ADGRV1: variants seen among roughly 807,000 people sequenced by gnomAD.
ADGRV1 encodes the protein G-protein coupled receptor 98.
A neutral mutation model predicts 596.2 loss-of-function variants in ADGRV1; 359 were observed. The observed-to-expected ratio is 0.60, with a 90% CI of 0.55 to 0.66. The LOEUF (loss-of-function observed/expected upper bound fraction) is 0.66, where lower values mean the gene tolerates loss of function less well. ADGRV1 is among the 30% of genes least tolerant of loss of function. ADGRV1 has a pLI of 0.00. For synonymous variants in ADGRV1, 2,681 were observed against 2,679.2 expected, an observed-to-expected ratio of 1.00 and a Z score of -0.02; for missense variants, 7,274 against 7,575.6, an observed-to-expected ratio of 0.96 and a Z score of 1.48.
chr5:90,561,169 C>G lies in ADGRV1; in HGVS notation c.22+2252C>G, dbSNP rs543803535. 2.0e-5 allele frequency among the ~76,000 whole-genome samples: 3 copies of G among 152,230 alleles called. No homozygotes were observed. The East Asian group carries it at 5.8e-4, about 29-fold the overall frequency. On this transcript the variant is annotated intron_variant, in intron 1 of 89. Coordinates refer to ENST00000405460, the MANE Select transcript of ADGRV1 (RefSeq NM_032119.4). ...AATGAAGAAACCGAGGCAGAGAGAT[C>G]TATGCCCTGGGAGGACCCACAAAAA...
chr5:90,897,592 T>TC (rs2150617530), intron 83 of ADGRV1, among the ~76,000 whole-genome samples: 1 of 152,332 alleles, frequency 6.6e-6, no homozygotes, highest in Non-Finnish European at 1.5e-5. Flanking sequence ...CCCAAGGTAC[T>TC]CTTTGGACAA....
intron 1 of ADGRV1, among the ~76,000 whole-genome samples, chr5:90,574,460 T>C (rs1426009484): frequency 6.6e-6 from 1 of 152,166 alleles, no homozygotes; most frequent in Non-Finnish European, 1.5e-5. Context: ...GCCTGAACTT[T>C]GTGTATAGAA....
At chr5:90,631,228 T>C (rs1580520062) in intron 9 of ADGRV1, among the ~76,000 whole-genome samples, 2 of 152,208 alleles carry the variant, frequency 1.3e-5, no homozygotes, top group African/African-American at 4.8e-5. Context: ...ACTCGATCTT[T>C]GTCTCTGAAA....
intron 85 of ADGRV1, among the ~76,000 whole-genome samples, chr5:91,012,426 T>A (rs1782797362): frequency 6.6e-6 from 1 of 151,996 alleles, no homozygotes; most frequent in Non-Finnish European, 1.5e-5. Context: ...ACCTTTAAAT[T>A]ATTTAGGGTT....
At position 90,558,936 on chromosome 5, in the gene ADGRV1, G is replaced by C. The variant is rs1476959586; in HGVS notation, c.22+19G>C. On this transcript the variant is annotated intron_variant, in intron 1 of 89. Transcript: ENST00000405460. ...GGGCCAGGTAGGCTATGGCTGAGGGGTGGTGCTGCGAGCATCGCTGAGCCC... is the reference window on the plus strand; with the variant it reads ...GGGCCAGGTAGGCTATGGCTGAGGGCTGGTGCTGCGAGCATCGCTGAGCCC... The C allele has an allele frequency of 6.4e-7, 1 of 1,552,964 alleles. No individual in the cohort carries two copies. Among genetic ancestry groups the C allele is most frequent in the African/African-American group, 1.4e-5 (1 of 73,482 alleles).
At chr5:90,907,335 T>C in intron 83 of ADGRV1, among the ~76,000 whole-genome samples, 1 of 152,322 alleles carries the variant, frequency 6.6e-6, no homozygotes, top group South Asian at 2.1e-4. Context: ...AATAATCATT[T>C]AAATTAATAA....
chr5:90,586,089 A>G lies in ADGRV1; in HGVS notation c.22+27172A>G, dbSNP rs547656109. Among the ~76,000 whole-genome samples, 9 of 152,352 alleles carry G rather than the reference A, an allele frequency of 5.9e-5. No individual in the cohort carries two copies. The South Asian group carries it at 1.0e-3, about 18-fold the overall frequency. Reference sequence around the variant, plus strand: ...AATTTAAGTTAGAGCTTTGATTATTATGTGGAGTGTGCCATTAAATATTTT... The same window carrying G: ...AATTTAAGTTAGAGCTTTGATTATTGTGTGGAGTGTGCCATTAAATATTTT... On this transcript the variant is annotated intron_variant, in intron 1 of 89. Coordinates refer to ENST00000405460, the MANE Select transcript of ADGRV1 (RefSeq NM_032119.4).
At chr5:90,596,350 C>T (rs1192375549) in intron 1 of ADGRV1, among the ~76,000 whole-genome samples, 7 of 151,580 alleles carry the variant, frequency 4.6e-5, no homozygotes, top group South Asian at 2.1e-4. Flanking sequence ...AGACGATGGG[C>T]GGCCAGGCAG....
In ADGRV1 at chr5:91,130,403, G is replaced by A. The variant is rs575990647; in HGVS notation, c.18433-19627G>A. Among the ~76,000 whole-genome samples, 23 of 151,010 alleles carry A rather than the reference G, an allele frequency of 1.5e-4. No homozygotes were observed. In the South Asian group the frequency reaches 4.6e-3, roughly 30 times the overall value. ...AAAAATTAGCCGGGCGTGGTGGTGG[G>A]CAGCTCTACTTGGGAGGCTGAGGCA... On this transcript the variant is annotated intron_variant, in intron 87 of 89. Coordinates refer to ENST00000405460, the MANE Select transcript of ADGRV1 (RefSeq NM_032119.4).
At chr5:90,810,045 C>G (rs1384179986) in intron 73 of ADGRV1, among the ~76,000 whole-genome samples, 188 bp from the exon 74 acceptor site, 1 of 152,192 alleles carries the variant, frequency 6.6e-6, no homozygotes, top group Non-Finnish European at 1.5e-5. Flanking sequence ...GCTTTTGCAG[C>G]TCCTGTTCTT....
intron 76 of ADGRV1, among the ~76,000 whole-genome samples, chr5:90,827,901 A>C (rs1764197759): frequency 6.6e-6 from 1 of 152,330 alleles, no homozygotes; most frequent in South Asian, 2.1e-4. Context: ...AGTTATCATT[A>C]AAATGGTCAC....
At chr5:90,664,580 CTT>C (rs1175307562) in intron 21 of ADGRV1, among the ~76,000 whole-genome samples, 6 of 134,290 alleles carry the variant, frequency 4.5e-5, no homozygotes, top group African/African-American at 1.8e-4. Context: ...TTGACTTCCT[CTT>C]TTCCTAATTG....
At chr5:90,606,504 A>G (rs1472933599) in intron 1 of ADGRV1, among the ~76,000 whole-genome samples, 1 of 152,230 alleles carries the variant, frequency 6.6e-6, no homozygotes, top group Non-Finnish European at 1.5e-5. Context: ...ACAACTACAA[A>G]GAAGGAAACA....
chr5:90,998,264 T>C (rs1014124651), intron 85 of ADGRV1, among the ~76,000 whole-genome samples: 2 of 152,186 alleles, frequency 1.3e-5, no homozygotes, highest in African/African-American at 2.4e-5. Context: ...TGAGACTGTC[T>C]TGGTCGGTGA....
In ADGRV1 at chr5:90,616,960, CTGGATGAGAACATG is replaced by C. The variant is rs201863645; in HGVS notation, c.208-829_208-816del. On this transcript the variant is annotated intron_variant, in intron 2 of 89. Transcript: ENST00000405460. ...CCTCCATCAGGTCCACATTCTTTAG[CTGGATGAGAACATG>C]TGGATGAGAACATGAGATATCTATC... 1.1e-3 allele frequency among the ~76,000 whole-genome samples: 168 copies of C among 152,304 alleles called. 3 individuals are homozygous for C. In the East Asian group the frequency reaches 0.024, roughly 22 times the overall value.
rs1410037859 is a variant in ADGRV1, at chr5:90,665,074, C to CT, written c.4752+6802dup. On this transcript the variant is annotated intron_variant, in intron 21 of 89. Transcript: ENST00000405460. ...ATCAAGGATATTGGTCTAAAATTCTCTTTTTTGGTTGTGTCTCTGCCTGGC... is the reference window on the plus strand; with the variant it reads ...ATCAAGGATATTGGTCTAAAATTCTCTTTTTTTGGTTGTGTCTCTGCCTGGC... 1.2e-4 allele frequency among the ~76,000 whole-genome samples: 18 copies of CT among 149,702 alleles called. No homozygotes were observed. The South Asian group carries it at 1.9e-3, about 16-fold the overall frequency.
At chr5:90,992,545 G>A (rs1159444667) in intron 85 of ADGRV1, among the ~76,000 whole-genome samples, 2 of 152,186 alleles carry the variant, frequency 1.3e-5, no homozygotes, top group South Asian at 2.1e-4. Flanking sequence ...TAGTTCTTGA[G>A]TAACCTTCAC....
chr5:90,652,450 G>A lies in ADGRV1; in HGVS notation c.3521G>A (p.Gly1174Glu), dbSNP rs776576004. The A allele has an allele frequency of 1.2e-5, 20 of 1,613,250 alleles. No homozygotes were observed. The South Asian group carries it at 1.9e-4, about 15-fold the overall frequency. ...GGGCAGGAGTTCTATGAAACTTCAG[G>A]AACTGTTAACTTCATGGATGGAGAA... ...QPGQEFYETS[G>E]TVNFMDGEEA... Residue 1174 changes from glycine (G) to glutamate (E), a missense_variant, in exon 19 of 90, where the codon GGA (glycine) becomes GAA (glutamate). Gly to Glu is a moderately conservative substitution (Grantham distance 98). Around this residue, in one of 5 missense-constraint regions of ADGRV1, gnomAD observed 1,715 missense variants for 1,708.8 expected, o/e 1.00. Coordinates refer to ENST00000405460, the MANE Select transcript of ADGRV1 (RefSeq NM_032119.4).
At chr5:90,819,338 C>A (rs1763239358) in intron 75 of ADGRV1, among the ~76,000 whole-genome samples, 1 of 151,514 alleles carries the variant, frequency 6.6e-6, no homozygotes, top group Admixed American at 6.6e-5. Flanking sequence ...AGCGGTCTAT[C>A]TATTTTGTTG....
Sources: gnomAD v4.1 joint callset for allele counts (sites outside exome capture counted in the v4.1 genomes callset) on GRCh38, gnomAD v4.1.1 for gene constraint, gnomAD v4.1.1 regional missense constraint, MANE v1.5 for transcripts, NCBI Gene and HGNC (gene_info 2026-07-23, HGNC 2026-07-21) for gene names.